The following ATP13A3 variants were observed in gnomAD, a reference collection of about 807,000 sequenced individuals.
ATP13A3 encodes polyamine-transporting ATPase 13A3.
A neutral mutation model predicts 158.1 loss-of-function variants in ATP13A3; 59 were observed. The ratio of observed to expected loss-of-function variants is 0.37; its 90% confidence interval spans 0.30 to 0.46. ATP13A3 has a LOEUF of 0.46. Among genes scored for constraint, ATP13A3 ranks in the 20% least tolerant of loss-of-function variants. The pLI is 1.00. For missense variants in ATP13A3, 1,166 were observed against 1,525.2 expected (o/e 0.76, Z 3.92); for synonymous variants, 491 against 504.3 (o/e 0.97, Z 0.35).
Position 194,448,734 on chromosome 3 carries a change from T to C in ATP13A3, c.971-98A>G. ...CACCAAAAAATATTAAATTGTTAAATATTTTAAATGCTACCATACTGTTTA... is the reference window on the plus strand; with the variant it reads ...CACCAAAAAATATTAAATTGTTAAACATTTTAAATGCTACCATACTGTTTA... On this transcript the variant is annotated intron_variant, in intron 11 of 33. Transcript: ENST00000645319. This position sits in a 1 kb window ranked among gnomAD's most constrained non-coding sequence, Gnocchi z 4.0. The C allele has an allele frequency of 1.7e-6, 2 of 1,174,528 alleles. No individual in the cohort carries two copies. The highest frequency in any genetic ancestry group is 3.2e-5 in the South Asian group (2 of 62,974). The allele number at this position is 1,174,528 out of a possible 1,614,324, so 72.8% of individuals were successfully genotyped here. A position where few individuals can be genotyped will look rare whatever the true frequency, so the allele number is the denominator to read the frequency against.
chr3:194,434,079 C>G (rs946039739), intron 20 of ATP13A3, among the ~76,000 whole-genome samples, 183 bp from the exon 21 acceptor site: 2 of 152,180 alleles, frequency 1.3e-5, no homozygotes, highest in African/African-American at 4.8e-5. Flanking sequence ...AGTTCAGTAT[C>G]TCAATATAAT....
chr3:194,471,982 G>C (rs1275227368), intron 2 of ATP13A3: 1 of 152,726 alleles, frequency 6.5e-6, no homozygotes, highest in African/African-American at 2.4e-5. Flanking sequence ...CCAAGATTCA[G>C]AGTAAAAAAG....
At chr3:194,472,914 A>G (rs993709121) in intron 2 of ATP13A3, among the ~76,000 whole-genome samples, 1 of 152,146 alleles carries the variant, frequency 6.6e-6, no homozygotes, top group Non-Finnish European at 1.5e-5. Context: ...AAAACCAAAT[A>G]CTATATGTTC....
rs759667696 is a variant in ATP13A3, at chr3:194,427,115, T to G, written c.3085A>C (p.Lys1029Gln). Residue 1029 changes from lysine to glutamine, a missense_variant, in exon 29 of 34, where the codon AAA becomes CAA. Physicochemically the swap from Lys to Gln is moderately conservative, Grantham distance 53. This residue lies in a region of ATP13A3 where 997 missense variants were observed against 1,341.2 expected (regional missense o/e 0.74). Transcript: ENST00000645319. ...CACACTTCATACCAAGGTTGCTGTT[T>G]GACCCAAAAAAAACCCAAAGATTGA... Reference protein sequence around the residue: ...GFQSLGFFWVKQQPWYEVWHP... With the variant: ...GFQSLGFFWVQQQPWYEVWHP... 6.2e-7 allele frequency: 1 copy of G among 1,613,558 alleles called. No individual in the cohort carries two copies. Among genetic ancestry groups the G allele is most frequent in the Non-Finnish European group, 8.5e-7 (1 of 1,179,894 alleles).
rs776217400 is a variant in ATP13A3, at chr3:194,450,286, A to T, written c.839-10T>A. The stretch of plus-strand genomic sequence containing the variant: ...AAGATTTCTTCTATTTCTGAAATTA[A>T]AGAAAGAAAGAAAAATCTGAAAAAG... On this transcript the variant is annotated splice_polypyrimidine_tract_variant and intron_variant, in intron 10 of 33. Transcript: ENST00000645319. 1.2e-6 allele frequency: 2 copies of T among 1,605,456 alleles called. No homozygotes were observed. The highest frequency in any genetic ancestry group is 1.7e-6 in the Non-Finnish European group (2 of 1,173,560).
At chr3:194,464,029 C>T (rs769767569) in intron 2 of ATP13A3, among the ~76,000 whole-genome samples, 3 of 152,158 alleles carry the variant, frequency 2.0e-5, no homozygotes, top group South Asian at 2.1e-4. Flanking sequence ...GGCATGATGG[C>T]GGGTGCCTGT....
intron 33 of ATP13A3, among the ~76,000 whole-genome samples, chr3:194,408,657 T>C (rs1165886213): frequency 6.6e-6 from 1 of 152,166 alleles, no homozygotes; most frequent in Admixed American, 6.5e-5. Context: ...GTCACAATTT[T>C]TAAAAAGTCA....
At chr3:194,490,766 A>G (rs1028953379), upstream of ATP13A3, among the ~76,000 whole-genome samples, 2 of 152,258 alleles carry the variant, frequency 1.3e-5, no homozygotes, top group African/African-American at 2.4e-5. The surrounding 1 kb of genome is among the most constrained non-coding windows in gnomAD (Gnocchi z 4.4). Context: ...GGGTCCCCCA[A>G]AAAAGATAAG....
At position 194,437,076 on chromosome 3, in the gene ATP13A3, G is replaced by A. The variant is rs766144947; in HGVS notation, c.2120+19C>T. On this transcript the variant is annotated intron_variant, in intron 20 of 33. Transcript: ENST00000645319. ...TAAATGATGATGACTGGGAAACTAG[G>A]AAAGCCGTTCAACCTCACCTGCTAA... The A allele has an allele frequency of 1.2e-6, 2 of 1,609,806 alleles. No homozygotes were observed. Among genetic ancestry groups the A allele is most frequent in the East Asian group, 4.5e-5 (2 of 44,864 alleles).
Position 194,448,542 on chromosome 3 carries a change from T to C in ATP13A3, c.1065A>G (p.Lys355=). 6.2e-7 allele frequency: 1 copy of C among 1,614,056 alleles called. No individual in the cohort carries two copies. ...TTGTCCCACAAAACAAAGTATGTCGTTTATGTGTTTCTGGATTATATAATT... is the reference window on the plus strand; with the variant it reads ...TTGTCCCACAAAACAAAGTATGTCGCTTATGTGTTTCTGGATTATATAATT... ...GDELYNPETH[K]RHTLFCGTTV... Residue 355 remains lysine (K), a synonymous_variant, in exon 12 of 34, where the codon AAA becomes AAG. Coordinates refer to ENST00000645319, the MANE Select transcript of ATP13A3 (RefSeq NM_001367549.1). The surrounding 1 kb of genome is among the most constrained non-coding windows in gnomAD (Gnocchi z 4.0).
chr3:194,435,350 A>G (rs1717548385), intron 20 of ATP13A3, among the ~76,000 whole-genome samples: 1 of 152,140 alleles, frequency 6.6e-6, no homozygotes, highest in Non-Finnish European at 1.5e-5. Flanking sequence ...ACTCTCTCAC[A>G]CCGTATGAAC....
chr3:194,486,976 C>G lies in ATP13A3; in HGVS notation c.-499G>C, dbSNP rs569705649. On this transcript the variant is annotated 5_prime_UTR_variant, in exon 1 of 34. Coordinates refer to ENST00000645319, the MANE Select transcript of ATP13A3 (RefSeq NM_001367549.1). ...GCTGCGGGGAGAGCCGGCAGGCAGG[C>G]GGGGGAGCGCGCGCGGGCTCAGGAC... 6.7e-6 allele frequency: 1 copy of G among 148,972 alleles called. No homozygotes were observed. Among genetic ancestry groups the G allele is most frequent in the Non-Finnish European group, 1.5e-5 (1 of 65,916 alleles). The allele number at this position is 148,972 out of a possible 1,614,324, so 9.2% of individuals were successfully genotyped here. A position where few individuals can be genotyped will look rare whatever the true frequency, so the allele number is the denominator to read the frequency against.
At position 194,447,818 on chromosome 3, in the gene ATP13A3, G is replaced by A. The variant is rs181880176; in HGVS notation, c.1308+34C>T. ...ATAGCTGCATATGATAAATAATTGAGGTTCAAACCCTATTAAGAGTCCCAC... is the reference window on the plus strand; with the variant it reads ...ATAGCTGCATATGATAAATAATTGAAGTTCAAACCCTATTAAGAGTCCCAC... On this transcript the variant is annotated intron_variant, in intron 13 of 33. Transcript: ENST00000645319. 10,254 of 1,530,908 alleles carry A rather than the reference G, an allele frequency of 6.7e-3. 56 individuals are homozygous for A. Among genetic ancestry groups the A allele is most frequent in the Non-Finnish European group, 8.3e-3 (9,320 of 1,119,892 alleles). The allele number at this position is 1,530,908 out of a possible 1,614,324, so 94.8% of individuals were successfully genotyped here. A position where few individuals can be genotyped will look rare whatever the true frequency, so the allele number is the denominator to read the frequency against.
chr3:194,467,588 C>T (rs963937088), intron 2 of ATP13A3, among the ~76,000 whole-genome samples: 7 of 152,130 alleles, frequency 4.6e-5, no homozygotes, highest in African/African-American at 1.7e-4. Context: ...ATATTATACA[C>T]CTCAAAGGAA....
intron 11 of ATP13A3, 78 bp downstream of exon 11, chr3:194,450,067 T>C (rs1718697323): frequency 1.4e-6 from 2 of 1,459,996 alleles, no homozygotes; most frequent in Admixed American, 4.0e-5. Context: ...ACATAGCTAA[T>C]TTTGAAAAGG....
upstream of ATP13A3, among the ~76,000 whole-genome samples, chr3:194,491,379 C>T (rs1387384368): frequency 1.3e-5 from 2 of 152,098 alleles, no homozygotes; most frequent in Admixed American, 6.5e-5. Flanking sequence ...TCATTCTTTA[C>T]ACCTCCCTCT....
At position 194,419,339 on chromosome 3, in the gene ATP13A3, C is replaced by CT. The variant is rs368500300; in HGVS notation, c.3402+539dup. 4.9e-4 allele frequency among the ~76,000 whole-genome samples: 74 copies of CT among 151,770 alleles called. 2 individuals carry two copies. Among genetic ancestry groups the CT allele is most frequent in the African/African-American group, 1.6e-3 (67 of 41,402 alleles). On this transcript the variant is annotated intron_variant, in intron 31 of 33. Coordinates refer to ENST00000645319, the MANE Select transcript of ATP13A3 (RefSeq NM_001367549.1). ...GTGCCTTATTGATTGGTAACGTTAC[C>CT]TTTTTTTTGTTTTCTTTTGTCACTG...
Position 194,412,293 on chromosome 3 carries a change from G to C in ATP13A3, c.3484-5C>G. 1.3e-6 allele frequency: 2 copies of C among 1,533,934 alleles called. No homozygotes were observed. The highest frequency in any genetic ancestry group is 1.7e-6 in the Non-Finnish European group (2 of 1,144,848). On this transcript the variant is annotated splice_polypyrimidine_tract_variant and splice_region_variant and intron_variant, in intron 32 of 33. Coordinates refer to ENST00000645319, the MANE Select transcript of ATP13A3 (RefSeq NM_001367549.1). ...GACCATGTCAAGGAAGAAGTTCTGA[G>C]AGATATTCCAGTGAGTTAAGAATTA... is the stretch of plus-strand genomic sequence containing the variant.
At position 194,483,122 on chromosome 3, in the gene ATP13A3, A is replaced by AAT. The variant is rs1322150145; in HGVS notation, c.-47+2671_-47+2672insAT. On this transcript the variant is annotated intron_variant, in intron 2 of 33. Coordinates refer to ENST00000645319, the MANE Select transcript of ATP13A3 (RefSeq NM_001367549.1). ...ACTCCGTCTCAAAAAAAAAAAAAAA[A>AAT]TTTTTTTTTAAATTAGCCAGACATG... Among the ~76,000 whole-genome samples the AAT allele has an allele frequency of 6.0e-5, 9 of 149,826 alleles. No individual in the cohort carries two copies. In the East Asian group the frequency reaches 1.4e-3, roughly 23 times the overall value.
Sources: allele counts gnomAD v4.1 joint callset (sites outside exome capture counted in the v4.1 genomes callset), GRCh38; gene constraint gnomAD v4.1.1; regional missense constraint gnomAD v4.1.1; non-coding constraint Gnocchi (gnomAD v3.1); transcripts MANE v1.5; gene names NCBI Gene and HGNC (gene_info 2026-07-23, HGNC 2026-07-21).